ZNF395: variants seen among roughly 807,000 people sequenced by gnomAD.
The protein encoded by ZNF395 is HD gene regulatory region-binding protein 2.
A neutral mutation model predicts 57.7 loss-of-function variants in ZNF395; 20 were observed. The observed-to-expected ratio is 0.35, with a 90% CI of 0.24 to 0.50. ZNF395 has a LOEUF of 0.50. ZNF395 is among the 20% of genes least tolerant of loss of function. ZNF395 has a pLI of 0.97. For missense variants in ZNF395, 606 were observed against 671.2 expected, an observed-to-expected ratio of 0.90 and a Z score of 1.07; for synonymous variants, 295 against 275.9, an observed-to-expected ratio of 1.07 and a Z score of -0.69.
At chr8:28,373,946 C>T (rs999189932) in intron 1 of ZNF395, among the ~76,000 whole-genome samples, 6 of 152,190 alleles carry the variant, frequency 3.9e-5, no homozygotes, top group Non-Finnish European at 8.8e-5. Context: ...AACTCAAGAA[C>T]CCTACGGCCC....
At chr8:28,366,777 C>A (rs1378230833) in intron 1 of ZNF395, among the ~76,000 whole-genome samples, 1 of 150,106 alleles carries the variant, frequency 6.7e-6, no homozygotes, top group Non-Finnish European at 1.5e-5. Flanking sequence ...GGTTCTCAAG[C>A]CTTTTTTTTC....
chr8:28,370,003 C>T (rs1203569690), intron 1 of ZNF395, among the ~76,000 whole-genome samples: 2 of 152,078 alleles, frequency 1.3e-5, no homozygotes, highest in African/African-American at 4.8e-5. Context: ...CATTTATGTA[C>T]TGTGTTGTAT....
intron 1 of ZNF395, among the ~76,000 whole-genome samples, chr8:28,370,131 G>A (rs1323053222): frequency 6.6e-6 from 1 of 152,060 alleles, no homozygotes; most frequent in Non-Finnish European, 1.5e-5. Flanking sequence ...CCATGAGTTA[G>A]ATGAATATCC....
At chr8:28,365,656 G>A (rs1021946580) in intron 1 of ZNF395, 1 of 152,176 alleles carries the variant, frequency 6.6e-6, no homozygotes, top group African/African-American at 2.4e-5. Context: ...AAAGTTTTAA[G>A]GGGATACCAA....
chr8:28,351,845 C>T (rs1474844090), intron 6 of ZNF395, 38 bp from the exon 7 acceptor site: 1 of 1,511,282 alleles, frequency 6.6e-7, no homozygotes, highest in Admixed American at 2.1e-5. Flanking sequence ...CAGGGGCACC[C>T]TGCCCCCTTC....
intron 8 of ZNF395, among the ~76,000 whole-genome samples, 164 bp downstream of exon 8, chr8:28,349,900 G>C (rs1394389663): frequency 6.6e-6 from 1 of 152,222 alleles, no homozygotes; most frequent in Non-Finnish European, 1.5e-5. Context: ...TGCCAGGGAG[G>C]GGGCAGCACA....
chr8:28,384,011 C>T (rs546182813), intron 1 of ZNF395, among the ~76,000 whole-genome samples: 13 of 152,342 alleles, frequency 8.5e-5, no homozygotes, highest in Admixed American at 2.0e-4. Flanking sequence ...TCCCTTCACC[C>T]TGCCCTGTAA....
chr8:28,382,041 A>G (rs1802115781), intron 1 of ZNF395, among the ~76,000 whole-genome samples: 1 of 152,166 alleles, frequency 6.6e-6, no homozygotes, highest in Admixed American at 6.5e-5. Flanking sequence ...CATGACAGCA[A>G]TCCCGAATTT....
chr8:28,347,915 C>G lies in ZNF395; in HGVS notation c.*804G>C, dbSNP rs184458792. 23 of 152,366 alleles carry G rather than the reference C, an allele frequency of 1.5e-4. No individual in the cohort carries two copies. Among genetic ancestry groups the G allele is most frequent in the African/African-American group, 5.5e-4 (23 of 41,578 alleles). The allele number at this position is 152,366 out of a possible 1,614,324, so 9.4% of individuals were successfully genotyped here. A position where few individuals can be genotyped will look rare whatever the true frequency, so the allele number is the denominator to read the frequency against. On this transcript the variant is annotated 3_prime_UTR_variant, in exon 10 of 10. Transcript: ENST00000344423. ...CAGAGAGTTTCCAGACGCTCAAACC[C>G]TCCAGGAGTTCCTCGAGGAAAGAGG...
At position 28,346,939 on chromosome 8, in the gene ZNF395, A is replaced by C. The variant is rs1314836750; in HGVS notation, c.*1780T>G. 1 of 150,418 alleles carries C rather than the reference A, an allele frequency of 6.6e-6. No individual in the cohort carries two copies. Among genetic ancestry groups the C allele is most frequent in the South Asian group, 2.1e-4 (1 of 4,808 alleles). 9.3% of individuals were successfully genotyped at this position (150,418 alleles called of 1,614,324 possible). On this transcript the variant is annotated 3_prime_UTR_variant, in exon 10 of 10. Transcript: ENST00000344423. ...GCTTTACCAAGAGACAGAATTCCAC[A>C]TACATTTTTTTTTTTTTACTAAGTT...
At chr8:28,355,017 A>C (rs1193804829) in intron 4 of ZNF395, among the ~76,000 whole-genome samples, 2 of 152,104 alleles carry the variant, frequency 1.3e-5, no homozygotes, top group African/African-American at 4.8e-5. Flanking sequence ...CAAAGAAAGC[A>C]AAACATAAAG....
In ZNF395 at chr8:28,349,113, C is replaced by A. The variant is rs773451609; in HGVS notation, c.1430+12G>T. 6 of 1,563,442 alleles carry A rather than the reference C, an allele frequency of 3.8e-6. No homozygotes were observed. The highest frequency in any genetic ancestry group is 1.7e-4 in the Middle Eastern group (1 of 5,810). The stretch of plus-strand genomic sequence containing the variant: ...GAAACCAGAAGGCAGGGGACGACAG[C>A]GGACATCTCACCTGGCACCACTCTG... On this transcript the variant is annotated intron_variant, in intron 9 of 9. Transcript: ENST00000344423.
intron 1 of ZNF395, among the ~76,000 whole-genome samples, chr8:28,381,013 T>TTG (rs1165044193): frequency 7.8e-5 from 5 of 63,850 alleles, no homozygotes; most frequent in Middle Eastern, 0.011. Flanking sequence ...CACACCCTGC[T>TTG]AGTGTGTGTG....
At position 28,372,277 on chromosome 8, in the gene ZNF395, CTG is replaced by C. The variant is rs1801985792; in HGVS notation, c.-58-11097_-58-11096del. On this transcript the variant is annotated intron_variant, in intron 1 of 9. Coordinates refer to ENST00000344423, the MANE Select transcript of ZNF395 (RefSeq NM_018660.3). ...TCCTAGAGATTCTGATCCCCCAGGTCTGAGAGAGGAAACAGTGAGAAAATGCA... is the reference window on the plus strand; with the variant it reads ...TCCTAGAGATTCTGATCCCCCAGGTCAGAGAGGAAACAGTGAGAAAATGCA... Among the ~76,000 whole-genome samples the C allele has an allele frequency of 2.6e-5, 4 of 152,136 alleles. No individual in the cohort carries two copies. In the East Asian group the frequency reaches 5.8e-4, roughly 22 times the overall value.
intron 1 of ZNF395, among the ~76,000 whole-genome samples, chr8:28,369,948 C>T (rs1801957670): frequency 6.6e-6 from 1 of 152,244 alleles, no homozygotes; most frequent in African/African-American, 2.4e-5. Context: ...CTGGTCCACA[C>T]AGCCAGCACT....
intron 1 of ZNF395, among the ~76,000 whole-genome samples, chr8:28,375,761 A>G (rs1405959486): frequency 6.6e-6 from 1 of 152,200 alleles, no homozygotes; most frequent in Non-Finnish European, 1.5e-5. Context: ...ATAAAAATAG[A>G]TAACAAGATT....
intron 1 of ZNF395, chr8:28,385,441 C>G (rs1053432987): frequency 2.0e-5 from 3 of 151,990 alleles, no homozygotes; most frequent in African/African-American, 4.8e-5. Flanking sequence ...ACGGTGCCAC[C>G]GCCGGGGAGG....
intron 1 of ZNF395, among the ~76,000 whole-genome samples, chr8:28,367,760 G>A (rs1801928192): frequency 6.6e-6 from 1 of 152,102 alleles, no homozygotes; most frequent in South Asian, 2.1e-4. Context: ...GGCACCGATG[G>A]GACTGCAGCC....
rs1801598254 is a variant in ZNF395 at position 28,346,246 on chromosome 8, T to A, written c.*2473A>T. The A allele has an allele frequency of 6.6e-6, 1 of 152,108 alleles. No homozygotes were observed. Among genetic ancestry groups the A allele is most frequent in the Non-Finnish European group, 1.5e-5 (1 of 68,006 alleles). 9.4% of individuals were successfully genotyped at this position (152,108 alleles called of 1,614,324 possible). A position where few individuals can be genotyped will look rare whatever the true frequency, so the allele number is the denominator to read the frequency against. ...GCCCACCTACGGCACCTTCCTTCCA[T>A]CAGAGTCTGCTGCCCGGGTGGGCTG... On this transcript the variant is annotated 3_prime_UTR_variant, in exon 10 of 10. Coordinates refer to ENST00000344423, the MANE Select transcript of ZNF395 (RefSeq NM_018660.3).
Sources: allele counts gnomAD v4.1 joint callset (sites outside exome capture counted in the v4.1 genomes callset), GRCh38; gene constraint gnomAD v4.1.1; transcripts MANE v1.5; gene names NCBI Gene and HGNC (gene_info 2026-07-23, HGNC 2026-07-21).